The following SMAP1 variants were observed in gnomAD, a reference collection of about 807,000 sequenced individuals.
The protein encoded by SMAP1 is small ArfGAP 1, also known as stromal membrane-associated protein 1.
In SMAP1, 24 loss-of-function variants were observed where a neutral mutation model predicts 58.5. The observed-to-expected ratio is 0.41, with a 90% CI of 0.30 to 0.58. The LOEUF is 0.58. Ranked by LOEUF, SMAP1 falls within the 20% of genes least tolerant of loss-of-function variation. SMAP1 has a pLI of 0.29. For missense variants in SMAP1, 563 were observed against 566.3 expected (o/e 0.99, Z 0.06); for synonymous variants, 216 against 196.6 (o/e 1.10, Z -0.82).
rs117021599 is a variant in SMAP1, at chr6:70,791,676, C to T, written c.415-13C>T. 2 of 1,608,100 alleles carry T rather than the reference C, an allele frequency of 1.2e-6. No individual in the cohort carries two copies. The highest frequency in any genetic ancestry group is 2.2e-5 in the East Asian group (1 of 44,644). On this transcript the variant is annotated splice_polypyrimidine_tract_variant and intron_variant, in intron 4 of 10. Coordinates refer to ENST00000370455, the MANE Select transcript of SMAP1 (RefSeq NM_001044305.3). ...TGTTTTTTTCCTCCTGACTTTTCAC[C>T]TGTACTCCACAGATTTCCTCCTCTG...
chr6:70,771,647 C>T (rs973525346), intron 3 of SMAP1, among the ~76,000 whole-genome samples: 26 of 152,108 alleles, frequency 1.7e-4, no homozygotes, highest in Admixed American at 3.9e-4. Context: ...TTCCAGGTGC[C>T]GTCTGTCACC....
chr6:70,670,617 A>C (rs892353404), intron 1 of SMAP1, among the ~76,000 whole-genome samples: 1 of 152,208 alleles, frequency 6.6e-6, no homozygotes, highest in African/African-American at 2.4e-5. Flanking sequence ...GTTACTAAGA[A>C]GTTTCATTCT....
chr6:70,854,467 C>CA (rs1771315636), intron 8 of SMAP1, among the ~76,000 whole-genome samples: 1 of 151,970 alleles, frequency 6.6e-6, no homozygotes, highest in Non-Finnish European at 1.5e-5. Flanking sequence ...CCTTAAAATA[C>CA]AAAAATTAGC....
intron 5 of SMAP1, 76 bp from the exon 6 acceptor site, chr6:70,798,581 C>G (rs1768707262): frequency 9.0e-7 from 1 of 1,114,984 alleles, no homozygotes; most frequent in Non-Finnish European, 1.3e-6. Flanking sequence ...GATGATTACT[C>G]AAACTAATAA....
chr6:70,700,658 C>T (rs1015233902), intron 1 of SMAP1, among the ~76,000 whole-genome samples: 4 of 152,178 alleles, frequency 2.6e-5, no homozygotes, highest in Admixed American at 6.5e-5. Context: ...AACAGAAGAA[C>T]GACCTAATAC....
chr6:70,804,420 C>A (rs538286405), intron 6 of SMAP1, among the ~76,000 whole-genome samples: 1 of 151,652 alleles, frequency 6.6e-6, no homozygotes, highest in East Asian at 1.9e-4. Flanking sequence ...GAATACAGCA[C>A]GCTGATGGTG....
In SMAP1 at chr6:70,759,269, C is replaced by G. The variant is rs529576201; in HGVS notation, c.338+4204C>G. 9.9e-5 allele frequency among the ~76,000 whole-genome samples: 15 copies of G among 152,060 alleles called. No homozygotes were observed. The South Asian group carries it at 3.1e-3, about 32-fold the overall frequency. On this transcript the variant is annotated intron_variant, in intron 3 of 10. Coordinates refer to ENST00000370455, the MANE Select transcript of SMAP1 (RefSeq NM_001044305.3). ...TGCTGGTTACATTAATTTATTCCCTCTTTTTTTGCCCCCCACTCACTAGGC... is the reference window on the plus strand; with the variant it reads ...TGCTGGTTACATTAATTTATTCCCTGTTTTTTTGCCCCCCACTCACTAGGC...
At chr6:70,770,459 T>G (rs1337700878) in intron 3 of SMAP1, among the ~76,000 whole-genome samples, 1 of 152,172 alleles carries the variant, frequency 6.6e-6, no homozygotes, top group Non-Finnish European at 1.5e-5. Flanking sequence ...TTTTTATTCT[T>G]TTTTCTCTAA....
intron 1 of SMAP1, among the ~76,000 whole-genome samples, chr6:70,707,730 T>A (rs1767895039): frequency 6.6e-6 from 1 of 152,140 alleles, no homozygotes; most frequent in Non-Finnish European, 1.5e-5. Flanking sequence ...CTCAGCCTCC[T>A]GAGTAGCTGG....
At chr6:70,769,945 CTGG>C (rs903404232) in intron 3 of SMAP1, among the ~76,000 whole-genome samples, 23 of 151,434 alleles carry the variant, frequency 1.5e-4, no homozygotes, top group African/African-American at 5.6e-4. Flanking sequence ...TAGGGCAGGC[CTGG>C]TGGTGACAAA....
chr6:70,769,142 A>G (rs1270473125), intron 3 of SMAP1, among the ~76,000 whole-genome samples: 1 of 152,076 alleles, frequency 6.6e-6, no homozygotes, highest in South Asian at 2.1e-4. Context: ...CTGATCTTTT[A>G]CATTTGCTGA....
intron 10 of SMAP1, 141 bp downstream of exon 10, chr6:70,858,370 A>G: frequency 4.4e-6 from 3 of 674,494 alleles, no homozygotes; most frequent in Non-Finnish European, 2.3e-6. Context: ...TATAGGGTCA[A>G]AAGTATCTAT....
At chr6:70,715,082 GTTTC>G (rs1381912258) in intron 1 of SMAP1, among the ~76,000 whole-genome samples, 1 of 138,742 alleles carries the variant, frequency 7.2e-6, no homozygotes, top group Non-Finnish European at 1.5e-5. Flanking sequence ...CTCTGTGTGG[GTTTC>G]TTTTTTTTTT....
intron 1 of SMAP1, among the ~76,000 whole-genome samples, chr6:70,724,275 C>A (rs1207426273): frequency 2.0e-5 from 3 of 151,842 alleles, no homozygotes; most frequent in African/African-American, 4.8e-5. Context: ...TGGCTCACTG[C>A]AACCTTTGCC....
intron 3 of SMAP1, among the ~76,000 whole-genome samples, chr6:70,755,740 T>A (rs1766461146): frequency 6.6e-6 from 1 of 152,042 alleles, no homozygotes; most frequent in Non-Finnish European, 1.5e-5. Context: ...TATATGCTGT[T>A]TATTATTTTA....
At chr6:70,786,637 A>G (rs1768045799) in intron 4 of SMAP1, among the ~76,000 whole-genome samples, 1 of 152,286 alleles carries the variant, frequency 6.6e-6, no homozygotes, top group Non-Finnish European at 1.5e-5. Context: ...TACAAAAATC[A>G]CAAGCATTCT....
chr6:70,861,562 G>T lies in SMAP1; in HGVS notation c.*1228G>T. ...TGACAAGAAAGGCTGCTGTACTGAAGTAAAACAAACAATACCTGAATGCTC... is the reference window on the plus strand; with the variant it reads ...TGACAAGAAAGGCTGCTGTACTGAATTAAAACAAACAATACCTGAATGCTC... On this transcript the variant is annotated 3_prime_UTR_variant, in exon 11 of 11. Coordinates refer to ENST00000370455, the MANE Select transcript of SMAP1 (RefSeq NM_001044305.3). 9.1e-7 allele frequency: 1 copy of T among 1,094,530 alleles called. No homozygotes were observed. The highest frequency in any genetic ancestry group is 1.3e-6 in the Non-Finnish European group (1 of 741,848). The allele number at this position is 1,094,530 out of a possible 1,614,324, so 67.8% of individuals were successfully genotyped here. A position where few individuals can be genotyped will look rare whatever the true frequency, so the allele number is the denominator to read the frequency against.
At chr6:70,810,985 C>T (rs562603234) in intron 6 of SMAP1, among the ~76,000 whole-genome samples, 4 of 152,270 alleles carry the variant, frequency 2.6e-5, no homozygotes, top group African/African-American at 9.6e-5. Flanking sequence ...AATCTGTATA[C>T]ATAATCTGTG....
At chr6:70,795,281 T>C (rs1768554110) in intron 5 of SMAP1, among the ~76,000 whole-genome samples, 1 of 152,210 alleles carries the variant, frequency 6.6e-6, no homozygotes, top group African/African-American at 2.4e-5. Flanking sequence ...TCAAACTTCT[T>C]TCCTACTCAT....
Sources: gnomAD v4.1 joint callset for allele counts (sites outside exome capture counted in the v4.1 genomes callset) on GRCh38, gnomAD v4.1.1 for gene constraint, MANE v1.5 for transcripts, NCBI Gene and HGNC (gene_info 2026-07-23, HGNC 2026-07-21) for gene names.